The following CSMD1 variants were observed in gnomAD, a reference collection of about 807,000 sequenced individuals.
The protein encoded by CSMD1 is CUB and sushi domain-containing protein 1.
CSMD1 carries 213 observed loss-of-function variants against 417.5 expected under a neutral mutation model. That is an observed-to-expected ratio of 0.51 (90% CI 0.46 to 0.57). The LOEUF (loss-of-function observed/expected upper bound fraction) is 0.57. CSMD1 is among the 20% of genes least tolerant of loss of function. CSMD1 has a pLI of 0.00. For synonymous variants in CSMD1, 2,862 were observed against 1,736.8 expected (o/e 1.65, Z -16.11); for missense variants, 6,923 against 4,529.7 (o/e 1.53, Z -15.17).
intron 10 of CSMD1, among the ~76,000 whole-genome samples, chr8:3,546,157 T>C (rs1053044645): frequency 1.3e-5 from 2 of 150,788 alleles, no homozygotes; most frequent in African/African-American, 2.5e-5. Context: ...AAGGTCATCA[T>C]GTATTTGTTT....
At chr8:4,840,956 C>G (rs1585195125) in intron 1 of CSMD1, among the ~76,000 whole-genome samples, 1 of 152,190 alleles carries the variant, frequency 6.6e-6, no homozygotes, top group African/African-American at 2.4e-5. Flanking sequence ...TTTTAAAAAA[C>G]AAGTGCACTG....
chr8:3,976,394 G>T (rs1434942437), intron 5 of CSMD1, among the ~76,000 whole-genome samples: 2 of 152,114 alleles, frequency 1.3e-5, no homozygotes, highest in African/African-American at 4.8e-5. Flanking sequence ...TCTTCAAGTT[G>T]CTGCTTCTTC....
At chr8:3,366,582 G>A (rs1239754429) in intron 20 of CSMD1, among the ~76,000 whole-genome samples, 1 of 152,160 alleles carries the variant, frequency 6.6e-6, no homozygotes, top group East Asian at 1.9e-4. Flanking sequence ...TCAACTGTGT[G>A]TGTCCACCTG....
chr8:3,454,034 T>C (rs1275512535), intron 12 of CSMD1, among the ~76,000 whole-genome samples: 3 of 152,304 alleles, frequency 2.0e-5, no homozygotes, highest in Admixed American at 2.0e-4. Context: ...AGTTAGCTCT[T>C]CTTGTTGAAT....
At chr8:4,067,378 G>A (rs921302549) in intron 3 of CSMD1, among the ~76,000 whole-genome samples, 5 of 152,226 alleles carry the variant, frequency 3.3e-5, no homozygotes, top group Non-Finnish European at 7.4e-5. Flanking sequence ...GAGTTAAACT[G>A]GATTTTGGTA....
chr8:4,247,342 C>T (rs1802774971), intron 3 of CSMD1, among the ~76,000 whole-genome samples: 1 of 152,192 alleles, frequency 6.6e-6, no homozygotes, highest in South Asian at 2.1e-4. Flanking sequence ...ACATAGAGTG[C>T]TGCTGGGTGT....
At chr8:4,710,214 C>T (rs767676080) in intron 1 of CSMD1, among the ~76,000 whole-genome samples, 54 of 151,964 alleles carry the variant, frequency 3.6e-4, no homozygotes, top group Non-Finnish European at 7.2e-4. Context: ...TACGTATCTT[C>T]AGTGTGCTCT....
At chr8:4,402,800 C>CTTTTTTTT (rs60965667) in intron 3 of CSMD1, among the ~76,000 whole-genome samples, 323 of 89,216 alleles carry the variant, frequency 3.6e-3, no homozygotes, top group East Asian at 6.6e-3. Context: ...TCACTTTTTT[C>CTTTTTTTT]TTTTTTTTTT....
chr8:4,910,283 G>T (rs62488168), intron 1 of CSMD1, among the ~76,000 whole-genome samples: 1 of 152,092 alleles, frequency 6.6e-6, no homozygotes, highest in South Asian at 2.1e-4. Flanking sequence ...AACAGTCAAC[G>T]CATATATCTT....
intron 6 of CSMD1, among the ~76,000 whole-genome samples, chr8:3,749,146 G>T (rs1040096729): frequency 6.6e-6 from 1 of 152,182 alleles, no homozygotes; most frequent in Non-Finnish European, 1.5e-5. Flanking sequence ...AAAACGTCTA[G>T]ATGATGGATT....
At chr8:4,729,561 A>C (rs1477904150) in intron 1 of CSMD1, among the ~76,000 whole-genome samples, 1 of 152,210 alleles carries the variant, frequency 6.6e-6, no homozygotes, top group Non-Finnish European at 1.5e-5. Flanking sequence ...TGCATTAGGC[A>C]AATTTCGATA....
At chr8:3,682,249 C>T (rs947426475) in intron 7 of CSMD1, among the ~76,000 whole-genome samples, 1 of 152,114 alleles carries the variant, frequency 6.6e-6, no homozygotes. Context: ...TCAGAGTGAA[C>T]AGGCAACCTA....
At chr8:3,491,537 T>G in intron 11 of CSMD1, among the ~76,000 whole-genome samples, 1 of 152,144 alleles carries the variant, frequency 6.6e-6, no homozygotes, top group East Asian at 1.9e-4. Context: ...TTAGTAATAG[T>G]TGGAATGGGC....
chr8:4,744,533 T>A (rs1467246304), intron 1 of CSMD1, among the ~76,000 whole-genome samples: 2 of 152,186 alleles, frequency 1.3e-5, no homozygotes, highest in Non-Finnish European at 2.9e-5. Flanking sequence ...GAATTACCTG[T>A]CTATATTTAG....
intron 2 of CSMD1, among the ~76,000 whole-genome samples, chr8:4,602,951 G>A (rs1800674557): frequency 6.6e-6 from 1 of 151,792 alleles, no homozygotes; most frequent in Admixed American, 6.6e-5. Context: ...TATAAAAATA[G>A]ATAAAAAAGA....
chr8:4,006,864 G>T (rs1477970432), intron 4 of CSMD1, among the ~76,000 whole-genome samples: 2 of 108,792 alleles, frequency 1.8e-5, no homozygotes, highest in Admixed American at 2.8e-4. Flanking sequence ...GACTCACTCT[G>T]TTGCCCAGGC....
At chr8:4,761,861 AT>A (rs1812097254) in intron 1 of CSMD1, among the ~76,000 whole-genome samples, 6 of 81,262 alleles carry the variant, frequency 7.4e-5, no homozygotes, top group Non-Finnish European at 5.1e-5. Flanking sequence ...CTATCTATCT[AT>A]CTATCTATCT....
chr8:4,295,674 G>A (rs1295449819), intron 3 of CSMD1, among the ~76,000 whole-genome samples: 239 of 138,704 alleles, frequency 1.7e-3, no homozygotes, highest in Middle Eastern at 8.5e-3. Flanking sequence ...GATTACATAT[G>A]TTATATTATA....
At chr8:3,528,525 A>T (rs1291553121) in intron 10 of CSMD1, among the ~76,000 whole-genome samples, 1 of 152,178 alleles carries the variant, frequency 6.6e-6, no homozygotes, top group Non-Finnish European at 1.5e-5. Context: ...TCTTCCTGAT[A>T]ATCACATCTC....
Sources: allele counts gnomAD v4.1 joint callset (sites outside exome capture counted in the v4.1 genomes callset), GRCh38; gene constraint gnomAD v4.1.1; transcripts MANE v1.5; gene names NCBI Gene and HGNC (gene_info 2026-07-23, HGNC 2026-07-21).